The following NEO1 variants were observed in gnomAD, a reference collection of about 807,000 sequenced individuals.
The protein encoded by NEO1 is neogenin 1.
A neutral mutation model predicts 159.7 loss-of-function variants in NEO1; 63 were observed. The ratio of observed to expected loss-of-function variants is 0.39; its 90% CI spans 0.32 to 0.49. The LOEUF is 0.49. Ranked by LOEUF, NEO1 falls within the 20% of genes least tolerant of loss-of-function variation. The pLI is 0.85. For synonymous variants in NEO1, 633 were observed against 662.0 expected, an observed-to-expected ratio of 0.96 and a Z score of 0.67; for missense variants, 1,615 against 1,831.0, an observed-to-expected ratio of 0.88 and a Z score of 2.15.
chr15:73,287,583 G>A (rs1389464736), intron 23 of NEO1, among the ~76,000 whole-genome samples: 1 of 152,196 alleles, frequency 6.6e-6, no homozygotes, highest in Non-Finnish European at 1.5e-5. Flanking sequence ...TAGTTTGGCA[G>A]TCTTCGAAGT....
At chr15:73,293,621 G>T in intron 26 of NEO1, 73 bp downstream of exon 26, 2 of 1,467,202 alleles carry the variant, frequency 1.4e-6, no homozygotes, top group South Asian at 1.3e-5. Flanking sequence ...GGAAGGACTT[G>T]CCCTACTTAG....
At chr15:73,199,537 C>G (rs1369094871) in intron 7 of NEO1, among the ~76,000 whole-genome samples, 1 of 152,078 alleles carries the variant, frequency 6.6e-6, no homozygotes, top group Non-Finnish European at 1.5e-5. Flanking sequence ...CTCATTTATT[C>G]AATCATTTGC....
chr15:73,071,947 T>TTGTG (rs1411881477), intron 1 of NEO1, among the ~76,000 whole-genome samples: 3 of 151,606 alleles, frequency 2.0e-5, no homozygotes, highest in African/African-American at 7.3e-5. Flanking sequence ...TTTTGTTTGT[T>TTGTG]TGTTTGTTTG....
In NEO1 at chr15:73,249,094, A is replaced by G. The variant is rs781451286; in HGVS notation, c.1641A>G (p.Ala547=). The change falls in exon 10 of 29, where the codon GCA becomes GCG. Residue 547 remains alanine, a synonymous_variant. Coordinates refer to ENST00000261908, the MANE Select transcript of NEO1 (RefSeq NM_002499.4). ...CTGGCCCAGCACCTAACCTTCGTGC[A>G]TATGCAGCTTCGCCTACCTCCATCA... ...QLPGPAPNLR[A]YAASPTSITV... 1.9e-6 allele frequency: 3 copies of G among 1,614,122 alleles called. No homozygotes were observed. The highest frequency in any genetic ancestry group is 2.2e-5 in the East Asian group (1 of 44,878).
At chr15:73,053,325 C>G (rs1006113439) in intron 1 of NEO1, among the ~76,000 whole-genome samples, 1 of 151,944 alleles carries the variant, frequency 6.6e-6, no homozygotes, top group Non-Finnish European at 1.5e-5. Context: ...GATTGGAGCC[C>G]GAGTCTGCGG....
intron 8 of NEO1, among the ~76,000 whole-genome samples, chr15:73,237,098 A>G (rs1382395517): frequency 6.6e-6 from 1 of 152,080 alleles, no homozygotes; most frequent in Non-Finnish European, 1.5e-5. Context: ...CTTTCTAGTG[A>G]AACCAGTCTA....
At chr15:73,118,644 T>G (rs946712896) in intron 2 of NEO1, among the ~76,000 whole-genome samples, 7 of 152,108 alleles carry the variant, frequency 4.6e-5, no homozygotes, top group African/African-American at 1.7e-4. Flanking sequence ...TCAGGAAGCA[T>G]TTTTTTGACC....
intron 5 of NEO1, among the ~76,000 whole-genome samples, chr15:73,163,571 C>T (rs1391163640): frequency 1.3e-5 from 2 of 152,024 alleles, no homozygotes; most frequent in Non-Finnish European, 2.9e-5. Context: ...CTGTTTGTAC[C>T]TACAGGACTA....
chr15:73,105,429 A>G (rs1049933223), intron 1 of NEO1, among the ~76,000 whole-genome samples: 8 of 152,358 alleles, frequency 5.3e-5, no homozygotes, highest in African/African-American at 1.9e-4. Context: ...TTAATATTGT[A>G]AAAGTATCTA....
At chr15:73,175,204 G>A (rs1026614371) in intron 5 of NEO1, among the ~76,000 whole-genome samples, 25 of 152,142 alleles carry the variant, frequency 1.6e-4, no homozygotes, top group Non-Finnish European at 8.8e-5. Flanking sequence ...TATTTACAGA[G>A]GCTGATACAG....
chr15:73,080,808 GGAA>G (rs2069008213), intron 1 of NEO1, among the ~76,000 whole-genome samples: 1 of 152,118 alleles, frequency 6.6e-6, no homozygotes, highest in South Asian at 2.1e-4. Flanking sequence ...GGGTAGGACT[GGAA>G]GAAGGACAGT....
At chr15:73,054,412 G>A (rs1055595352) in intron 1 of NEO1, among the ~76,000 whole-genome samples, 5 of 152,168 alleles carry the variant, frequency 3.3e-5, no homozygotes, top group Non-Finnish European at 7.3e-5. Flanking sequence ...TTTTTATTTT[G>A]CACAGATGAG....
intron 26 of NEO1, among the ~76,000 whole-genome samples, chr15:73,296,712 A>G (rs957763262): frequency 3.2e-4 from 49 of 151,970 alleles, no homozygotes; most frequent in African/African-American, 1.2e-3. Context: ...ATAGTACTGA[A>G]CCCTTTATAT....
intron 1 of NEO1, among the ~76,000 whole-genome samples, chr15:73,095,441 A>C (rs1279746082): frequency 1.3e-5 from 2 of 152,128 alleles, no homozygotes; most frequent in Non-Finnish European, 2.9e-5. Flanking sequence ...TTTACTTTTT[A>C]TTGCCTAGAG....
intron 8 of NEO1, among the ~76,000 whole-genome samples, chr15:73,238,271 G>GTTTTT (rs55887721): frequency 4.9e-4 from 19 of 38,854 alleles, no homozygotes; most frequent in African/African-American, 1.7e-3. Context: ...TTTAGTTTGG[G>GTTTTT]TTTTTTTTTT....
chr15:73,163,090 T>C (rs1207223379), intron 5 of NEO1, among the ~76,000 whole-genome samples: 1 of 152,254 alleles, frequency 6.6e-6, no homozygotes, highest in Non-Finnish European at 1.5e-5. Flanking sequence ...GTTTTATACT[T>C]TACTTGTTAG....
intron 1 of NEO1, among the ~76,000 whole-genome samples, chr15:73,083,860 C>T (rs2069205989): frequency 6.6e-6 from 1 of 151,922 alleles, no homozygotes; most frequent in African/African-American, 2.4e-5. Flanking sequence ...TTTTTTAATC[C>T]TCCCAACAAG....
At chr15:73,286,484 T>C (rs1277112347) in intron 23 of NEO1, among the ~76,000 whole-genome samples, 1 of 152,198 alleles carries the variant, frequency 6.6e-6, no homozygotes, top group East Asian at 1.9e-4. Flanking sequence ...TACTCTCTTC[T>C]CCTTCTGTGT....
Position 73,273,992 on chromosome 15 carries a change from C to T in NEO1, c.3147C>T (p.Phe1049=), listed in dbSNP as rs1330026147. ...GACCCATGTCTGAAGCTGTCCAATT[C>T]AGAACACCTAAAGGTAATGCTCCCC... ...GMGPMSEAVQ[F]RTPKADSSDK... Residue 1049 remains phenylalanine (F), a synonymous_variant, in exon 20 of 29, where the codon TTC becomes TTT. Transcript: ENST00000261908. 1.2e-6 allele frequency: 2 copies of T among 1,613,556 alleles called. No homozygotes were observed. The highest frequency in any genetic ancestry group is 2.7e-5 in the African/African-American group (2 of 74,922).
Sources: allele counts gnomAD v4.1 joint callset (sites outside exome capture counted in the v4.1 genomes callset), GRCh38; gene constraint gnomAD v4.1.1; transcripts MANE v1.5; gene names NCBI Gene and HGNC (gene_info 2026-07-23, HGNC 2026-07-21).